Variants in ATXN7 observed in about 807,000 individuals in gnomAD.
ATXN7 encodes ataxin-7.
Under a neutral mutation model 70.5 loss-of-function variants are expected in ATXN7, and 12 were observed. That is an observed-to-expected ratio of 0.17 (90% CI 0.11 to 0.28). The LOEUF is 0.28. ATXN7 is among the 10% of genes least tolerant of loss of function. The pLI is 1.00. For missense variants in ATXN7, 1,256 were observed against 1,131.7 expected (o/e 1.11, Z -1.58); for synonymous variants, 498 against 448.7 (o/e 1.11, Z -1.39).
chr3:63,896,768 T>C (rs1385545716), intron 1 of ATXN7, among the ~76,000 whole-genome samples: 1 of 152,224 alleles, frequency 6.6e-6, no homozygotes. Flanking sequence ...TCTCTAAGAA[T>C]TGGATTTCCT....
At chr3:63,931,044 G>T (rs574355733) in intron 4 of ATXN7, among the ~76,000 whole-genome samples, 1 of 152,268 alleles carries the variant, frequency 6.6e-6, no homozygotes, top group South Asian at 2.1e-4. Context: ...TGAGACACAA[G>T]GATCTAGAAG....
intron 5 of ATXN7, among the ~76,000 whole-genome samples, chr3:63,962,599 T>G (rs2075148472): frequency 6.6e-6 from 1 of 151,862 alleles, no homozygotes; most frequent in Non-Finnish European, 1.5e-5. Flanking sequence ...GAGACAGAAT[T>G]TCGCCATGTT....
intron 4 of ATXN7, among the ~76,000 whole-genome samples, chr3:63,951,759 G>C: frequency 6.6e-6 from 1 of 152,122 alleles, no homozygotes; most frequent in East Asian, 1.9e-4. Flanking sequence ...CAAACAGCTC[G>C]TATCCTACCC....
At chr3:63,966,769 T>C (rs1224907223) in intron 5 of ATXN7, among the ~76,000 whole-genome samples, 1 of 152,242 alleles carries the variant, frequency 6.6e-6, no homozygotes, top group Non-Finnish European at 1.5e-5. Flanking sequence ...CTAAATCATT[T>C]CCACATATGT....
In ATXN7 at chr3:63,999,507, T is replaced by C. The variant is rs772003452; in HGVS notation, c.*40T>C. Reference sequence around the variant, plus strand: ...ACGGGGAGGAATAATGCGGACACTTTTGAGGACAAGTTACACCTCCACTCA... The same window carrying C: ...ACGGGGAGGAATAATGCGGACACTTCTGAGGACAAGTTACACCTCCACTCA... On this transcript the variant is annotated 3_prime_UTR_variant, in exon 13 of 13. Transcript: ENST00000674280. The C allele has an allele frequency of 5.0e-6, 8 of 1,612,644 alleles. No individual in the cohort carries two copies. The highest frequency in any genetic ancestry group is 3.3e-5 in the South Asian group (3 of 90,646).
At position 63,996,486 on chromosome 3, in the gene ATXN7, A is replaced by T; in HGVS notation, c.2661+3A>T. On this transcript the variant is annotated splice_donor_region_variant and intron_variant, in intron 12 of 12. Transcript: ENST00000674280. ...TGAACAGTTCCCTCCTTCATCAGGT[A>T]GGAAATGGACTGTGAGCCCCATGGG... The T allele has an allele frequency of 1.2e-6, 2 of 1,613,878 alleles. No homozygotes were observed. The highest frequency in any genetic ancestry group is 1.7e-6 in the Non-Finnish European group (2 of 1,179,804).
At chr3:63,863,403 C>CA, upstream of ATXN7, 6 of 1,054,404 alleles carry the variant, frequency 5.7e-6, no homozygotes, top group South Asian at 2.7e-4. Context: ...CGCCCCTAGA[C>CA]AAACCCGGAC....
rs201813211 is a variant in ATXN7, at chr3:63,982,217, C to G, written c.784C>G (p.His262Asp). Reference protein sequence around the residue: ...MTPSVKVEKIHPKMDGTLLKS... With the variant: ...MTPSVKVEKIDPKMDGTLLKS... ...ACCCTCTGTGAAAGTGGAAAAGATT[C>G]ATCCGAAAATGGATGGCACACTACT... The change falls in exon 7 of 13, where the codon CAT becomes GAT. Residue 262 changes from histidine (H) to aspartate (D), a missense_variant. Transcript: ENST00000674280. 1.2e-4 allele frequency: 198 copies of G among 1,613,998 alleles called. No individual in the cohort carries two copies. The highest frequency in any genetic ancestry group is 1.6e-4 in the Non-Finnish European group (191 of 1,180,026).
chr3:63,989,161 C>G (rs1218218892), intron 9 of ATXN7, among the ~76,000 whole-genome samples: 1 of 152,176 alleles, frequency 6.6e-6, no homozygotes, highest in East Asian at 1.9e-4. Flanking sequence ...CCAACGTGAG[C>G]TTTGTGGTTT....
At chr3:63,989,394 C>T (rs2075630889) in intron 9 of ATXN7, among the ~76,000 whole-genome samples, 1 of 152,170 alleles carries the variant, frequency 6.6e-6, no homozygotes, top group African/African-American at 2.4e-5. Flanking sequence ...AGTGGTAATA[C>T]CACCTTATTC....
intron 4 of ATXN7, among the ~76,000 whole-genome samples, chr3:63,942,041 G>A (rs1249003415): frequency 6.6e-6 from 1 of 152,188 alleles, no homozygotes; most frequent in African/African-American, 2.4e-5. Flanking sequence ...GGAGCCGAGA[G>A]TCCTAGCATC....
intron 4 of ATXN7, among the ~76,000 whole-genome samples, chr3:63,937,477 GGTA>G (rs1222282923): frequency 1.3e-5 from 2 of 152,096 alleles, no homozygotes; most frequent in Non-Finnish European, 2.9e-5. Flanking sequence ...CATAGTTTGG[GGTA>G]ATAGAGGTTT....
intron 5 of ATXN7, among the ~76,000 whole-genome samples, chr3:63,966,882 C>G (rs1454892241): frequency 6.6e-6 from 1 of 152,206 alleles, no homozygotes; most frequent in Non-Finnish European, 1.5e-5. Context: ...TTTGAACTAT[C>G]AGGTATCTAA....
chr3:63,967,446 G>A (rs1420983421), intron 5 of ATXN7, among the ~76,000 whole-genome samples: 2 of 152,108 alleles, frequency 1.3e-5, no homozygotes, highest in East Asian at 3.9e-4. Flanking sequence ...CTGGAAAAAT[G>A]CTGCAGGTAT....
intron 2 of ATXN7, among the ~76,000 whole-genome samples, chr3:63,909,764 G>C (rs1437009885): frequency 1.3e-5 from 2 of 152,022 alleles, no homozygotes; most frequent in Admixed American, 1.3e-4. Context: ...AAAATGCATT[G>C]GCTGCAGCAA....
At chr3:63,969,741 C>T (rs1239519367) in intron 5 of ATXN7, among the ~76,000 whole-genome samples, 1 of 152,114 alleles carries the variant, frequency 6.6e-6, no homozygotes, top group Non-Finnish European at 1.5e-5. Context: ...GCTTGAACTA[C>T]AGATAGTATA....
intron 6 of ATXN7, 42 bp from the exon 7 acceptor site, chr3:63,982,144 G>A: frequency 1.2e-6 from 2 of 1,612,514 alleles, no homozygotes; most frequent in Non-Finnish European, 1.7e-6. Flanking sequence ...GGGGGCTGCT[G>A]AGGCACTCAG....
Position 64,003,169 on chromosome 3 carries a change from C to T in ATXN7, c.*3702C>T, listed in dbSNP as rs186110216. ...AGATAATTTAAATGAGCACTACATA[C>T]TGTCAGTGTGAATGTAGGGCCTTGA... On this transcript the variant is annotated 3_prime_UTR_variant, in exon 13 of 13. Transcript: ENST00000674280. The T allele has an allele frequency of 1.4e-5, 2 of 145,348 alleles. No homozygotes were observed. Among genetic ancestry groups the T allele is most frequent in the East Asian group, 4.1e-4 (2 of 4,898 alleles). 9.0% of individuals were successfully genotyped at this position (145,348 alleles called of 1,614,324 possible). A position where few individuals can be genotyped will look rare whatever the true frequency, so the allele number is the denominator to read the frequency against.
chr3:63,909,116 A>G (rs1368925894), intron 2 of ATXN7, among the ~76,000 whole-genome samples: 2 of 152,182 alleles, frequency 1.3e-5, no homozygotes, highest in African/African-American at 2.4e-5. Flanking sequence ...TAAATTGAAT[A>G]CTCATTATTC....
Sources: gnomAD v4.1 joint callset for allele counts (sites outside exome capture counted in the v4.1 genomes callset) on GRCh38, gnomAD v4.1.1 for gene constraint, MANE v1.5 for transcripts, NCBI Gene and HGNC (gene_info 2026-07-23, HGNC 2026-07-21) for gene names.